Variants in CD226 observed in about 807,000 individuals in gnomAD.
The protein encoded by CD226 is CD226 molecule.
A neutral mutation model predicts 34.9 loss-of-function variants in CD226; 24 were observed. That is an observed-to-expected ratio of 0.69 (90% confidence interval 0.50 to 0.97). The LOEUF is 0.97. Ranked by LOEUF, CD226 falls within the 50% of genes least tolerant of loss-of-function variation. The probability of loss-of-function intolerance (pLI) is 0.00; values close to 1 mark genes in which losing one functional copy is unlikely to be tolerated. For missense variants in CD226, 397 were observed against 412.7 expected, an observed-to-expected ratio of 0.96 and a Z score of 0.33; for synonymous variants, 148 against 147.4, an observed-to-expected ratio of 1.00 and a Z score of -0.03.
chr18:69,892,438 C>A (rs1008096561), intron 3 of CD226, among the ~76,000 whole-genome samples: 1 of 152,090 alleles, frequency 6.6e-6, no homozygotes, highest in African/African-American at 2.4e-5. Flanking sequence ...CCCCTGTGCT[C>A]CCCCCGTCCC....
chr18:69,895,075 T>C (rs1985187959), intron 3 of CD226, among the ~76,000 whole-genome samples: 1 of 152,202 alleles, frequency 6.6e-6, no homozygotes, highest in African/African-American at 2.4e-5. Context: ...GTGGTTCTTA[T>C]AGTATGTTTG....
At chr18:69,919,719 A>G (rs2055428207) in intron 2 of CD226, among the ~76,000 whole-genome samples, 1 of 152,234 alleles carries the variant, frequency 6.6e-6, no homozygotes, top group Non-Finnish European at 1.5e-5. Flanking sequence ...ATTGTTTATC[A>G]TGACTGAGTC....
Position 69,946,760 on chromosome 18 carries a change from T to C in CD226, c.356A>G (p.Gln119Arg). Residue 119 changes from glutamine to arginine, a missense_variant, in exon 2 of 6, where the codon CAG becomes CGG. Coordinates refer to ENST00000582621, the MANE Select transcript of CD226 (RefSeq NM_001303618.2). Reference protein sequence around the residue: ...SLYTYPQGTWQKVIQVVQSDS... With the variant: ...SLYTYPQGTWRKVIQVVQSDS... ...TGACTGAACCACCTGTATCACCTTC[T>C]GCCAAGTTCCCTGTGGGTAAGTGTA... is the stretch of plus-strand genomic sequence containing the variant. 1 of 1,612,772 alleles carries C rather than the reference T, an allele frequency of 6.2e-7. No individual in the cohort carries two copies. The highest frequency in any genetic ancestry group is 8.5e-7 in the Non-Finnish European group (1 of 1,179,578).
intron 2 of CD226, among the ~76,000 whole-genome samples, chr18:69,908,005 T>C (rs1223950631): frequency 3.9e-5 from 6 of 152,092 alleles, no homozygotes; most frequent in Non-Finnish European, 8.8e-5. Flanking sequence ...AATTTAAAAA[T>C]TAATAACAAA....
In CD226 at chr18:69,947,514, T is replaced by A; in HGVS notation, c.-108A>T. ...GCAGTTTCCTTCCTCTCAGATGTTA[T>A]CAGTCGTGTCTTCTTTTTCTGAAGT... On this transcript the variant is annotated 5_prime_UTR_variant, in exon 1 of 6. Coordinates refer to ENST00000582621, the MANE Select transcript of CD226 (RefSeq NM_001303618.2). The A allele has an allele frequency of 1.6e-6, 1 of 620,342 alleles. No homozygotes were observed. Among genetic ancestry groups the A allele is most frequent in the African/African-American group, 1.9e-5 (1 of 52,392 alleles). 38.4% of individuals were successfully genotyped at this position (620,342 alleles called of 1,614,324 possible). A position where few individuals can be genotyped will look rare whatever the true frequency, so the allele number is the denominator to read the frequency against.
chr18:69,895,911 T>C lies in CD226; in HGVS notation c.517A>G (p.Ile173Val), dbSNP rs1331135702. The C allele has an allele frequency of 5.6e-6, 9 of 1,614,144 alleles. No homozygotes were observed. The highest frequency in any genetic ancestry group is 2.2e-5 in the East Asian group (1 of 44,888). Residue 173 changes from isoleucine to valine, a missense_variant, in exon 3 of 6, where the codon ATC (isoleucine) becomes GTC (valine). Transcript: ENST00000582621. Reference sequence around the variant, plus strand: ...AAGTTGCAGTAAGTTAAGAGGTCGATCTGACGGGGCTGGATCTTTTCCCAC... The same window carrying C: ...AAGTTGCAGTAAGTTAAGAGGTCGACCTGACGGGGCTGGATCTTTTCCCAC... ...VRWEKIQPRQ[I>V]DLLTYCNLVH...
intron 2 of CD226, among the ~76,000 whole-genome samples, chr18:69,897,486 TA>T (rs1320187573): frequency 6.6e-6 from 1 of 152,110 alleles, no homozygotes; most frequent in African/African-American, 2.4e-5. Flanking sequence ...GCCTGGGCAG[TA>T]ATGATGTCAC....
In CD226 at chr18:69,947,347, A is replaced by C. The variant is rs201446424; in HGVS notation, c.46+14T>G. On this transcript the variant is annotated intron_variant, in intron 1 of 5. Transcript: ENST00000582621. ...AGCAAAACTTTTAAATGAAAATATA[A>C]AGATCATCTTTACCTCTGTATACAT... 101 of 1,505,366 alleles carry C rather than the reference A, an allele frequency of 6.7e-5. No individual in the cohort carries two copies. In the African/African-American group the frequency reaches 1.3e-3, roughly 19 times the overall value. 93.3% of individuals were successfully genotyped at this position (1,505,366 alleles called of 1,614,324 possible). A position where few individuals can be genotyped will look rare whatever the true frequency, so the allele number is the denominator to read the frequency against.
chr18:69,864,867 C>T (rs1983039779), intron 5 of CD226, among the ~76,000 whole-genome samples: 1 of 152,174 alleles, frequency 6.6e-6, no homozygotes, highest in Admixed American at 6.5e-5. Context: ...AATCAAGTCA[C>T]TTTGACCACA....
rs117685436 is a variant in CD226, at chr18:69,912,982, T to C, written c.383-16937A>G. Among the ~76,000 whole-genome samples the C allele has an allele frequency of 4.9e-3, 742 of 152,278 alleles. 3 individuals carry two copies. The highest frequency in any genetic ancestry group is 7.7e-3 in the South Asian group (37 of 4,816). On this transcript the variant is annotated intron_variant, in intron 2 of 5. Transcript: ENST00000582621. ...GGAACTCAGTGCAACAAACAGTTTGTCTCACTGGTTTCTTATAACTAGAAT... is the reference window on the plus strand; with the variant it reads ...GGAACTCAGTGCAACAAACAGTTTGCCTCACTGGTTTCTTATAACTAGAAT...
chr18:69,884,675 C>T (rs1379478024), intron 3 of CD226, among the ~76,000 whole-genome samples: 2 of 152,180 alleles, frequency 1.3e-5, no homozygotes, highest in Non-Finnish European at 2.9e-5. Context: ...GCAAAAGTAC[C>T]TCCTGTCATA....
chr18:69,949,913 C>T (rs1281875699), upstream of CD226, among the ~76,000 whole-genome samples: 1 of 152,120 alleles, frequency 6.6e-6, no homozygotes. Context: ...TGCATGTGCA[C>T]ATATACTCTC....
upstream of CD226, among the ~76,000 whole-genome samples, chr18:69,957,845 C>T (rs2055909490): frequency 6.6e-6 from 1 of 152,216 alleles, no homozygotes; most frequent in Admixed American, 6.5e-5. Context: ...CCTTCAATGC[C>T]TCACTGTCCC....
At chr18:69,912,562 C>T (rs1198531375) in intron 2 of CD226, among the ~76,000 whole-genome samples, 2 of 152,140 alleles carry the variant, frequency 1.3e-5, no homozygotes, top group African/African-American at 2.4e-5. Flanking sequence ...ACATAAAATT[C>T]CTCTCTACTG....
At chr18:69,913,956 T>C (rs1015351093) in intron 2 of CD226, among the ~76,000 whole-genome samples, 3 of 152,194 alleles carry the variant, frequency 2.0e-5, no homozygotes, top group Non-Finnish European at 4.4e-5. Context: ...TCTCTATCAT[T>C]CTATTGATCT....
chr18:69,950,471 T>A (rs1688305907), upstream of CD226, among the ~76,000 whole-genome samples: 1 of 152,078 alleles, frequency 6.6e-6, no homozygotes, highest in African/African-American at 2.4e-5. Flanking sequence ...CACACAGGCA[T>A]GGGAGAGAAT....
chr18:69,945,294 C>T (rs2055775598), intron 2 of CD226, among the ~76,000 whole-genome samples: 1 of 152,192 alleles, frequency 6.6e-6, no homozygotes, highest in Non-Finnish European at 1.5e-5. Context: ...AGTAGAATGG[C>T]ACTACCAACC....
intron 1 of CD226, among the ~76,000 whole-genome samples, chr18:69,955,722 G>A (rs986016744): frequency 6.6e-6 from 1 of 152,042 alleles, no homozygotes; most frequent in Non-Finnish European, 1.5e-5. Context: ...AATTAGCCGG[G>A]TGTGGTAGCG....
intron 2 of CD226, among the ~76,000 whole-genome samples, chr18:69,912,749 TATTTC>T (rs1439974194): frequency 6.6e-6 from 1 of 152,262 alleles, no homozygotes; most frequent in Non-Finnish European, 1.5e-5. Context: ...TATGCAGTAC[TATTTC>T]ATTTTCACAT....
Sources: gnomAD v4.1 joint callset for allele counts (sites outside exome capture counted in the v4.1 genomes callset) on GRCh38, gnomAD v4.1.1 for gene constraint, MANE v1.5 for transcripts, NCBI Gene and HGNC (gene_info 2026-07-23, HGNC 2026-07-21) for gene names.